The following NSD1 variants were observed in gnomAD, a reference collection of about 807,000 sequenced individuals.
NSD1 encodes the protein histone-lysine N-methyltransferase, H3 lysine-36 specific.
Under a neutral mutation model 242.7 loss-of-function variants are expected in NSD1, and 26 were observed. The observed-to-expected ratio is 0.11, with a 90% CI of 0.08 to 0.15. NSD1 has a LOEUF of 0.15. NSD1 is among the 10% of genes least tolerant of loss of function. The pLI, the probability that NSD1 is intolerant of heterozygous loss-of-function variation, is 1.00. For synonymous variants in NSD1, 1,106 were observed against 1,178.1 expected (o/e 0.94, Z 1.25); for missense variants, 2,495 against 3,272.8 (o/e 0.76, Z 5.80).
chr5:177,287,322 T>G (rs921610822), intron 20 of NSD1, among the ~76,000 whole-genome samples: 5 of 152,258 alleles, frequency 3.3e-5, no homozygotes, highest in African/African-American at 1.2e-4. Flanking sequence ...TTTAGTTATC[T>G]ATCCATAAAT....
intron 10 of NSD1, among the ~76,000 whole-genome samples, chr5:177,247,537 T>C (rs1454068569): frequency 1.4e-5 from 2 of 146,756 alleles, no homozygotes; most frequent in African/African-American, 5.1e-5. Flanking sequence ...GACCAACCTG[T>C]GAAATACAGT....
intron 3 of NSD1, among the ~76,000 whole-genome samples, chr5:177,195,334 G>A (rs1762024542): frequency 6.6e-6 from 1 of 152,004 alleles, no homozygotes; most frequent in Admixed American, 6.6e-5. Context: ...CAAAAAAAAT[G>A]TTGATACCTT....
At chr5:177,261,040 T>C (rs986822694) in intron 14 of NSD1, among the ~76,000 whole-genome samples, 2 of 152,070 alleles carry the variant, frequency 1.3e-5, no homozygotes, top group African/African-American at 4.8e-5. Flanking sequence ...AGAGATCACG[T>C]AGAGGAAAGA....
At chr5:177,288,507 G>T in intron 20 of NSD1, 2 of 328,268 alleles carry the variant, frequency 6.1e-6, no homozygotes, top group African/African-American at 2.2e-5. Flanking sequence ...TTTTTTGTTT[G>T]TTTTGGTAAT....
At chr5:177,202,867 C>T (rs12521836) in intron 3 of NSD1, among the ~76,000 whole-genome samples, 6 of 151,734 alleles carry the variant, frequency 4.0e-5, no homozygotes, top group Admixed American at 3.9e-4. Flanking sequence ...TAAAATGAAC[C>T]AGACAACACA....
intron 5 of NSD1, among the ~76,000 whole-genome samples, chr5:177,221,670 C>T (rs10062704): frequency 0.017 from 2,567 of 152,120 alleles, 80 homozygotes; most frequent in African/African-American, 0.059. Context: ...GGGGTTTCAC[C>T]TTGTCGGCCA....
chr5:177,185,819 AT>A (rs1385050564), intron 2 of NSD1, among the ~76,000 whole-genome samples: 3 of 91,684 alleles, frequency 3.3e-5, no homozygotes, highest in African/African-American at 1.5e-4. Context: ...ATTTATATAT[AT>A]AATATATAAG....
intron 21 of NSD1, among the ~76,000 whole-genome samples, chr5:177,290,477 G>A (rs1008882064): frequency 6.0e-5 from 9 of 149,198 alleles, no homozygotes; most frequent in Non-Finnish European, 1.2e-4. Context: ...GTATGATCTC[G>A]GCTCACTGTA....
At chr5:177,214,979 G>C (rs1213528046) in intron 5 of NSD1, among the ~76,000 whole-genome samples, 1 of 152,086 alleles carries the variant, frequency 6.6e-6, no homozygotes, top group Non-Finnish European at 1.5e-5. Flanking sequence ...GGGATTAAAA[G>C]CATGAGCCAC....
Position 177,269,748 on chromosome 5 carries a change from A to C in NSD1, c.5450A>C (p.Glu1817Ala). Residue 1817 changes from glutamate to alanine, a missense_variant, in exon 16 of 23, where the codon GAG becomes GCG. Physicochemically the swap from Glu to Ala is moderately radical, Grantham distance 107. Around this residue, in one of 19 missense-constraint regions of NSD1, gnomAD observed 114 missense variants for 247.4 expected, o/e 0.46. Coordinates refer to ENST00000439151, the MANE Select transcript of NSD1 (RefSeq NM_022455.5). This position sits in a 1 kb window ranked among gnomAD's most constrained non-coding sequence, Gnocchi z 5.1. ...THQARVFPYMEGDVSSKDKMG... is the reference protein window; with the variant it reads ...THQARVFPYMAGDVSSKDKMG... ...CAGGCCCGAGTCTTCCCTTACATGG[A>C]GGGTGACGTGAGCAGCAAGGATAAG... 1 of 1,614,054 alleles carries C rather than the reference A, an allele frequency of 6.2e-7. No homozygotes were observed. The highest frequency in any genetic ancestry group is 8.5e-7 in the Non-Finnish European group (1 of 1,179,998).
chr5:177,223,587 A>G (rs906217220), intron 5 of NSD1, among the ~76,000 whole-genome samples: 1 of 152,020 alleles, frequency 6.6e-6, no homozygotes, highest in Non-Finnish European at 1.5e-5. Context: ...AAACAAAACA[A>G]GAGACAGCCA....
At chr5:177,226,743 A>AT (rs1479083707) in intron 5 of NSD1, among the ~76,000 whole-genome samples, 2 of 151,954 alleles carry the variant, frequency 1.3e-5, no homozygotes, top group Non-Finnish European at 2.9e-5. Flanking sequence ...CATTCTGTTA[A>AT]TTTTTTTTAA....
intron 2 of NSD1, among the ~76,000 whole-genome samples, chr5:177,167,127 A>C (rs1315636231): frequency 6.6e-6 from 1 of 152,170 alleles, no homozygotes; most frequent in African/African-American, 2.4e-5. Flanking sequence ...TCTCAGTACC[A>C]TGTGTTGAAG....
At chr5:177,265,504 G>C in intron 14 of NSD1, 1 of 675,318 alleles carries the variant, frequency 1.5e-6, no homozygotes, top group African/African-American at 1.8e-5. Flanking sequence ...AGAGAGGAAG[G>C]GGGAGCCCCA....
intron 2 of NSD1, among the ~76,000 whole-genome samples, chr5:177,184,918 T>C (rs1466056854): frequency 6.6e-6 from 1 of 152,156 alleles, no homozygotes; most frequent in Non-Finnish European, 1.5e-5. Flanking sequence ...TAGTTTAAGC[T>C]GTGGAAAAGT....
intron 2 of NSD1, among the ~76,000 whole-genome samples, chr5:177,185,711 CATTATAT>C (rs764137743): frequency 0.016 from 1,623 of 100,174 alleles, 55 homozygotes; most frequent in African/African-American, 0.059. Flanking sequence ...AATATATATA[CATTATAT>C]ATTATATATT....
intron 14 of NSD1, chr5:177,265,049 A>AAG: frequency 1.3e-6 from 1 of 759,184 alleles, no homozygotes; most frequent in Non-Finnish European, 2.4e-6. Flanking sequence ...TGAGCACATT[A>AAG]AGCACTCCTA....
At position 177,216,670 on chromosome 5, in the gene NSD1, G is replaced by GTT. The variant is rs771087392; in HGVS notation, c.3796+4493_3796+4494dup. Among the ~76,000 whole-genome samples, 248 of 126,862 alleles carry GTT rather than the reference G, an allele frequency of 2.0e-3. 2 individuals are homozygous for GTT. In the South Asian group the frequency reaches 0.037, roughly 19 times the overall value. 83.2% of individuals were successfully genotyped at this position (126,862 alleles called of 152,430 possible). The stretch of plus-strand genomic sequence containing the variant: ...TATGTGATTTATTTCAGGGATCTCT[G>GTT]TTTTTTTTTTTTTTTTTTTAATTTT... On this transcript the variant is annotated intron_variant, in intron 5 of 22. Coordinates refer to ENST00000439151, the MANE Select transcript of NSD1 (RefSeq NM_022455.5).
chr5:177,252,788 T>G (rs1195021769), intron 12 of NSD1, among the ~76,000 whole-genome samples: 20 of 146,950 alleles, frequency 1.4e-4, no homozygotes, highest in East Asian at 3.9e-4. Context: ...TCTCTCGCTC[T>G]CTCTCTCCCT....
Sources: allele counts gnomAD v4.1 joint callset (sites outside exome capture counted in the v4.1 genomes callset), GRCh38; gene constraint gnomAD v4.1.1; regional missense constraint gnomAD v4.1.1; non-coding constraint Gnocchi (gnomAD v3.1); transcripts MANE v1.5; gene names NCBI Gene and HGNC (gene_info 2026-07-23, HGNC 2026-07-21).